Variants in PIK3C2A observed in about 807,000 individuals in gnomAD.
The protein encoded by PIK3C2A is phosphatidylinositol 4-phosphate 3-kinase C2 domain-containing subunit alpha.
A neutral mutation model predicts 204.5 loss-of-function variants in PIK3C2A; 97 were observed. That is an observed-to-expected ratio of 0.47 (90% confidence interval 0.40 to 0.56). The LOEUF is 0.56. Ranked by LOEUF, PIK3C2A falls within the 20% of genes least tolerant of loss-of-function variation. The probability of loss-of-function intolerance (pLI) is 0.00; values close to 1 mark genes in which losing one functional copy is unlikely to be tolerated. For synonymous variants in PIK3C2A, 653 were observed against 664.4 expected (o/e 0.98, Z 0.26); for missense variants, 1,735 against 1,969.2 (o/e 0.88, Z 2.25).
At chr11:17,122,530 A>G (rs911262307) in intron 14 of PIK3C2A, among the ~76,000 whole-genome samples, 172 bp downstream of exon 14, 1 of 152,158 alleles carries the variant, frequency 6.6e-6, no homozygotes, top group South Asian at 2.1e-4. Flanking sequence ...GGATAAGTAC[A>G]GTGCATGTTT....
intron 5 of PIK3C2A, 77 bp downstream of exon 5, chr11:17,148,590 T>A: frequency 7.7e-7 from 1 of 1,295,952 alleles, no homozygotes; most frequent in East Asian, 2.4e-5. Context: ...ATTATAAATT[T>A]AACTTGAAAT....
chr11:17,119,560 T>G (rs1439288905), intron 16 of PIK3C2A, among the ~76,000 whole-genome samples: 3 of 152,154 alleles, frequency 2.0e-5, no homozygotes, highest in African/African-American at 7.2e-5. Context: ...AAAATATAAA[T>G]TATTCAAAAT....
chr11:17,122,631 T>C, intron 14 of PIK3C2A, 71 bp downstream of exon 14: 2 of 741,168 alleles, frequency 2.7e-6, no homozygotes, highest in Middle Eastern at 2.3e-4. Flanking sequence ...ACCCAAATCA[T>C]GGTATACACA....
At chr11:17,095,036 C>T (rs867513766) in intron 27 of PIK3C2A, among the ~76,000 whole-genome samples, 2 of 151,876 alleles carry the variant, frequency 1.3e-5, no homozygotes, top group Non-Finnish European at 2.9e-5. Flanking sequence ...ATCATTTCAG[C>T]CCTGGAGTTA....
rs1041073263 is a variant in PIK3C2A at position 17,086,707 on chromosome 11, G to T, written c.*3031C>A. On this transcript the variant is annotated 3_prime_UTR_variant, in exon 33 of 33. Transcript: ENST00000691414. The stretch of plus-strand genomic sequence containing the variant: ...CTATCTTAATATAATTAAAGTATTT[G>T]GTTCTTATAGGTAAGATTAATTACC... 2 of 152,026 alleles carry T rather than the reference G, an allele frequency of 1.3e-5. No individual in the cohort carries two copies. The highest frequency in any genetic ancestry group is 2.9e-5 in the Non-Finnish European group (2 of 68,008). The allele number at this position is 152,026 out of a possible 1,614,324, so 9.4% of individuals were successfully genotyped here. A position where few individuals can be genotyped will look rare whatever the true frequency, so the allele number is the denominator to read the frequency against.
chr11:17,168,479 G>T (rs975937666), intron 2 of PIK3C2A, among the ~76,000 whole-genome samples, 198 bp downstream of exon 2: 2 of 152,126 alleles, frequency 1.3e-5, no homozygotes, highest in Non-Finnish European at 2.9e-5. Context: ...CACTCGGGAG[G>T]CTGAGGCAGG....
chr11:17,091,746 CAT>C (rs1848316680), intron 30 of PIK3C2A, 90 bp from the exon 31 acceptor site: 2 of 863,304 alleles, frequency 2.3e-6, no homozygotes, highest in Non-Finnish European at 1.8e-6. Context: ...AAGACTGTCA[CAT>C]GTGGTGCGGA....
At chr11:17,109,497 A>G (rs1848930153) in intron 22 of PIK3C2A, among the ~76,000 whole-genome samples, 1 of 152,244 alleles carries the variant, frequency 6.6e-6, no homozygotes, top group African/African-American at 2.4e-5. Context: ...TATTAGTAGA[A>G]AATAACTTTG....
At chr11:17,138,217 C>T in intron 8 of PIK3C2A, 1 of 985,196 alleles carries the variant, frequency 1.0e-6, no homozygotes, top group South Asian at 1.3e-5. Flanking sequence ...GCTTTCCCAA[C>T]CTTCTTGGTA....
Position 17,156,272 on chromosome 11 carries a change from A to G in PIK3C2A, c.1066-643T>C, listed in dbSNP as rs570204335. Among the ~76,000 whole-genome samples, 3 of 152,334 alleles carry G rather than the reference A, an allele frequency of 2.0e-5. No individual in the cohort carries two copies. The East Asian group carries it at 5.8e-4, about 29-fold the overall frequency. ...TTGATTTGGTGCAAATTTCAAATATAAATTCCCTTTAAAATTAGAATTGGA... is the reference window on the plus strand; with the variant it reads ...TTGATTTGGTGCAAATTTCAAATATGAATTCCCTTTAAAATTAGAATTGGA... On this transcript the variant is annotated intron_variant, in intron 2 of 32. Coordinates refer to ENST00000691414, the MANE Select transcript of PIK3C2A (RefSeq NM_002645.4).
intron 1 of PIK3C2A, among the ~76,000 whole-genome samples, chr11:17,207,080 A>T (rs924197191): frequency 7.9e-5 from 12 of 152,040 alleles, no homozygotes; most frequent in Non-Finnish European, 1.3e-4. Context: ...TTCCCTCCTC[A>T]ATCCCTCCTC....
At chr11:17,112,769 G>A in intron 20 of PIK3C2A, 103 bp from the exon 21 acceptor site, 1 of 513,334 alleles carries the variant, frequency 1.9e-6, no homozygotes, top group Non-Finnish European at 3.5e-6. Flanking sequence ...TTTGTGTCTT[G>A]TTTTTAGATT....
At position 17,087,205 on chromosome 11, in the gene PIK3C2A, T is replaced by C. The variant is rs1167845500; in HGVS notation, c.*2533A>G. On this transcript the variant is annotated 3_prime_UTR_variant, in exon 33 of 33. Coordinates refer to ENST00000691414, the MANE Select transcript of PIK3C2A (RefSeq NM_002645.4). ...TATTGTGATTATACATAAAAATTAG[T>C]GTCTTGGCCAGTTTGTTAAACTTTT... is the stretch of plus-strand genomic sequence containing the variant. 3.3e-5 allele frequency: 5 copies of C among 152,158 alleles called. No homozygotes were observed. Among genetic ancestry groups the C allele is most frequent in the Non-Finnish European group, 4.4e-5 (3 of 68,016 alleles). 9.4% of individuals were successfully genotyped at this position (152,158 alleles called of 1,614,324 possible). A position where few individuals can be genotyped will look rare whatever the true frequency, so the allele number is the denominator to read the frequency against.
intron 18 of PIK3C2A, among the ~76,000 whole-genome samples, chr11:17,118,046 T>C (rs931826041): frequency 6.7e-6 from 1 of 149,958 alleles, no homozygotes; most frequent in African/African-American, 2.5e-5. Context: ...GGTGAACCTC[T>C]CTGAAAAATA....
intron 9 of PIK3C2A, 35 bp downstream of exon 9, chr11:17,136,447 C>T (rs764528119): frequency 2.5e-5 from 37 of 1,502,496 alleles, no homozygotes; most frequent in Non-Finnish European, 3.3e-5. Flanking sequence ...TACATATTTG[C>T]ATGTAATAAA....
intron 1 of PIK3C2A, among the ~76,000 whole-genome samples, chr11:17,202,392 GGC>G (rs1165832702): frequency 1.3e-5 from 2 of 151,954 alleles, no homozygotes; most frequent in Non-Finnish European, 2.9e-5. Context: ...TGGACAATGT[GGC>G]AAAACCCCTC....
chr11:17,092,198 G>C lies in PIK3C2A; in HGVS notation c.4530C>G (p.Tyr1510Ter). Reference protein sequence around the residue: ...AAKRKIELNSYLQSLMNASTD... With the variant: ...AAKRKIELNS ...TTGAAGCATTCATCAAACTCTGTAA[G>C]TAACTGTTTAACTCAATTTTCCTTT... The change falls in exon 29 of 33, where the codon TAC (tyrosine) becomes TAG (stop). Residue 1510 changes from tyrosine to a stop codon, truncating the protein, a stop_gained. Coordinates refer to ENST00000691414, the MANE Select transcript of PIK3C2A (RefSeq NM_002645.4). LOFTEE classifies it high-confidence loss of function. The C allele has an allele frequency of 6.2e-7, 1 of 1,606,270 alleles. No homozygotes were observed. Among genetic ancestry groups the C allele is most frequent in the Non-Finnish European group, 8.5e-7 (1 of 1,172,882 alleles).
At chr11:17,170,561 A>T (rs1448327952) in intron 1 of PIK3C2A, among the ~76,000 whole-genome samples, 1 of 152,168 alleles carries the variant, frequency 6.6e-6, no homozygotes, top group African/African-American at 2.4e-5. Context: ...CAAAATCCTT[A>T]AATATTTTTA....
intron 13 of PIK3C2A, among the ~76,000 whole-genome samples, chr11:17,128,651 A>ATC (rs1284792616): frequency 3.9e-5 from 6 of 152,186 alleles, no homozygotes; most frequent in African/African-American, 1.4e-4. Context: ...AAAACTCTTG[A>ATC]TCATCTCATG....
Sources: allele counts gnomAD v4.1 joint callset (sites outside exome capture counted in the v4.1 genomes callset), GRCh38; gene constraint gnomAD v4.1.1; transcripts MANE v1.5; gene names NCBI Gene and HGNC (gene_info 2026-07-23, HGNC 2026-07-21).